UBE3A: variants seen among roughly 807,000 people sequenced by gnomAD.
UBE3A encodes the protein ubiquitin protein ligase E3A.
UBE3A carries 6 observed loss-of-function variants against 83.4 expected under a neutral mutation model. That is an observed-to-expected ratio of 0.07 (90% CI 0.04 to 0.14). UBE3A has a LOEUF of 0.14. UBE3A is among the 10% of genes least tolerant of loss of function. The pLI, the probability that UBE3A is intolerant of heterozygous loss-of-function variation, is 1.00. For missense variants in UBE3A, 456 were observed against 1,036.1 expected (o/e 0.44, Z 7.69); for synonymous variants, 337 against 355.4 (o/e 0.95, Z 0.58).
intron 4 of UBE3A, among the ~76,000 whole-genome samples, chr15:25,388,762 A>G (rs1430839431): frequency 6.6e-6 from 1 of 152,226 alleles, no homozygotes; most frequent in Non-Finnish European, 1.5e-5. Context: ...AAGTGATTAT[A>G]GCAAAGCTGC....
At position 25,392,991 on chromosome 15, in the gene UBE3A, G is replaced by A. The variant is rs561803170; in HGVS notation, c.62+12470C>T. ...GCAAATGCACTCTTCCGGAAGATTC[G>A]TAACCCACTACATTCATAAACCATT... On this transcript the variant is annotated intron_variant, in intron 4 of 12. Transcript: ENST00000648336. 1.2e-4 allele frequency among the ~76,000 whole-genome samples: 18 copies of A among 152,202 alleles called. No homozygotes were observed. In the South Asian group the frequency reaches 1.9e-3, roughly 16 times the overall value.
At chr15:25,406,266 C>T (rs2088513257) in intron 3 of UBE3A, among the ~76,000 whole-genome samples, 2 of 152,168 alleles carry the variant, frequency 1.3e-5, no homozygotes, top group African/African-American at 4.8e-5. Context: ...TAAAAATACA[C>T]TTACTGTATG....
At chr15:25,362,824 G>A (rs1224350252) in intron 6 of UBE3A, among the ~76,000 whole-genome samples, 1 of 152,126 alleles carries the variant, frequency 6.6e-6, no homozygotes, top group Non-Finnish European at 1.5e-5. Flanking sequence ...TGTTAAAGAT[G>A]TAAGTCAGTG....
At chr15:25,384,709 A>G (rs531175210) in intron 4 of UBE3A, among the ~76,000 whole-genome samples, 1 of 152,308 alleles carries the variant, frequency 6.6e-6, no homozygotes, top group African/African-American at 2.4e-5. Flanking sequence ...GAATAGCCGT[A>G]ACAATCTGGA....
intron 4 of UBE3A, among the ~76,000 whole-genome samples, chr15:25,390,345 G>A (rs532735397): frequency 1.3e-5 from 2 of 152,204 alleles, no homozygotes; most frequent in Admixed American, 6.5e-5. Flanking sequence ...CCTGCACACC[G>A]ATATCTACAG....
At chr15:25,399,273 A>C (rs1232903959) in intron 4 of UBE3A, among the ~76,000 whole-genome samples, 2 of 152,104 alleles carry the variant, frequency 1.3e-5, no homozygotes, top group African/African-American at 2.4e-5. Flanking sequence ...CAAAAAAATC[A>C]CTGTCCAAAC....
chr15:25,410,460 T>A (rs2089750533), intron 2 of UBE3A, among the ~76,000 whole-genome samples: 1 of 152,042 alleles, frequency 6.6e-6, no homozygotes, highest in Admixed American at 6.6e-5. Context: ...GATTCCCCTA[T>A]CCAGGCCAAA....
chr15:25,379,868 A>T (rs1478121984), intron 4 of UBE3A, among the ~76,000 whole-genome samples: 1 of 152,206 alleles, frequency 6.6e-6, no homozygotes, highest in African/African-American at 2.4e-5. Context: ...CGTGAAAATT[A>T]TAAGAAATTC....
chr15:25,388,250 T>C (rs1210222820), intron 4 of UBE3A, among the ~76,000 whole-genome samples: 1 of 152,186 alleles, frequency 6.6e-6, no homozygotes, highest in Non-Finnish European at 1.5e-5. Context: ...TTTACTACAA[T>C]GTATAAAAAG....
At chr15:25,421,784 C>A (rs61998994) in intron 1 of UBE3A, 1 of 151,992 alleles carries the variant, frequency 6.6e-6, no homozygotes, top group Non-Finnish European at 1.5e-5. Context: ...CCTCTCAGAA[C>A]GTGTGCAATT....
intron 1 of UBE3A, among the ~76,000 whole-genome samples, chr15:25,424,496 G>A (rs1276269263): frequency 2.0e-5 from 3 of 151,928 alleles, no homozygotes; most frequent in African/African-American, 4.8e-5. Context: ...CTCTTTTTAG[G>A]ATTTAAGTGC....
chr15:25,344,103 C>T (rs1176194903), intron 11 of UBE3A, among the ~76,000 whole-genome samples: 2 of 152,130 alleles, frequency 1.3e-5, no homozygotes, highest in Non-Finnish European at 2.9e-5. Flanking sequence ...AATCCCACTT[C>T]TAACAATTTA....
In UBE3A at chr15:25,338,406, A is replaced by C. The variant is rs914707829; in HGVS notation, c.*731T>G. ...ACTGAAACAGTTCATTGCAAGACACATGAAGACGACATACTGTGGCATGAG... is the reference window on the plus strand; with the variant it reads ...ACTGAAACAGTTCATTGCAAGACACCTGAAGACGACATACTGTGGCATGAG... On this transcript the variant is annotated 3_prime_UTR_variant, in exon 13 of 13. Coordinates refer to ENST00000648336, the MANE Select transcript of UBE3A (RefSeq NM_130839.5). 1 of 151,820 alleles carries C rather than the reference A, an allele frequency of 6.6e-6. No individual in the cohort carries two copies. Among genetic ancestry groups the C allele is most frequent in the African/African-American group, 2.4e-5 (1 of 41,340 alleles). The allele number at this position is 151,820 out of a possible 1,614,324, so 9.4% of individuals were successfully genotyped here.
chr15:25,343,547 A>G (rs1043513988), intron 11 of UBE3A, among the ~76,000 whole-genome samples: 2 of 152,170 alleles, frequency 1.3e-5, no homozygotes, highest in African/African-American at 4.8e-5. Flanking sequence ...CTGAGGACAG[A>G]CTCTAGAAAA....
intron 4 of UBE3A, among the ~76,000 whole-genome samples, chr15:25,390,163 T>C (rs541368340): frequency 6.6e-6 from 1 of 152,324 alleles, no homozygotes; most frequent in African/African-American, 2.4e-5. Flanking sequence ...GGTGAAGATG[T>C]AGAGCAAAAG....
intron 1 of UBE3A, among the ~76,000 whole-genome samples, chr15:25,421,758 G>A (rs1406650238): frequency 6.6e-6 from 1 of 152,074 alleles, no homozygotes; most frequent in Non-Finnish European, 1.5e-5. Context: ...ACACTGCAAT[G>A]GGATACCACT....
At chr15:25,420,470 T>C (rs1889227464) in intron 1 of UBE3A, among the ~76,000 whole-genome samples, 1 of 152,108 alleles carries the variant, frequency 6.6e-6, no homozygotes, top group African/African-American at 2.4e-5. Context: ...TCAGTAAGGA[T>C]ACAGAAGAAA....
chr15:25,366,915 A>T (rs868098263), intron 6 of UBE3A, among the ~76,000 whole-genome samples: 26 of 151,094 alleles, frequency 1.7e-4, no homozygotes, highest in Middle Eastern at 3.4e-3. Flanking sequence ...TCTAATCTAA[A>T]CCTCTAGAGG....
chr15:25,434,875 A>G (rs1894539222), intron 1 of UBE3A, among the ~76,000 whole-genome samples: 2 of 152,096 alleles, frequency 1.3e-5, no homozygotes, highest in African/African-American at 4.8e-5. Flanking sequence ...GCATCTATCC[A>G]TGTACTGCCA....
Sources: gnomAD v4.1 joint callset for allele counts (sites outside exome capture counted in the v4.1 genomes callset) on GRCh38, gnomAD v4.1.1 for gene constraint, MANE v1.5 for transcripts, NCBI Gene and HGNC (gene_info 2026-07-23, HGNC 2026-07-21) for gene names.